Variants in KLHL30 observed in about 807,000 individuals in gnomAD.
The protein encoded by KLHL30 is kelch-like protein 30.
A neutral mutation model predicts 55.0 loss-of-function variants in KLHL30; 55 were observed. The observed-to-expected ratio is 1.00, with a 90% CI of 0.80 to 1.25. The LOEUF (loss-of-function observed/expected upper bound fraction) is 1.25. KLHL30 is among the 50% of genes most tolerant of loss of function. The pLI is 0.00. For missense variants in KLHL30, 786 were observed against 811.6 expected, an observed-to-expected ratio of 0.97 and a Z score of 0.38; for synonymous variants, 356 against 372.6, an observed-to-expected ratio of 0.96 and a Z score of 0.51.
chr2:238,142,726 G>A (rs1323364691), intron 2 of KLHL30, 73 bp from the exon 3 acceptor site: 5 of 1,324,392 alleles, frequency 3.8e-6, no homozygotes, highest in Admixed American at 8.3e-5. Context: ...GCTGAGGCCT[G>A]CCCAGGACAC....
chr2:238,145,556 G>A, intron 4 of KLHL30, 121 bp from the exon 5 acceptor site: 2 of 1,175,184 alleles, frequency 1.7e-6, no homozygotes, highest in Non-Finnish European at 2.4e-6. Context: ...CCCACCTCTG[G>A]CTCACCACGT....
At chr2:238,143,706 C>T (rs928070986) in intron 3 of KLHL30, among the ~76,000 whole-genome samples, 8 of 152,196 alleles carry the variant, frequency 5.3e-5, no homozygotes, top group Admixed American at 1.3e-4. Context: ...GCCAGCTGTT[C>T]GGGTCAGGGG....
At chr2:238,144,122 C>T (rs1692588336) in intron 3 of KLHL30, among the ~76,000 whole-genome samples, 1 of 152,222 alleles carries the variant, frequency 6.6e-6, no homozygotes. Context: ...GACTTGGGCA[C>T]ATTGCTCTGC....
At position 238,151,306 on chromosome 2, in the gene KLHL30, C is replaced by T. The variant is rs1227065504; in HGVS notation, c.*241C>T. The stretch of plus-strand genomic sequence containing the variant: ...GCCTGAGTGCCAGACGCTGGCATAA[C>T]AGGGACAGGAAGCTCTGCTGCCCCT... On this transcript the variant is annotated 3_prime_UTR_variant, in exon 8 of 8. Coordinates refer to ENST00000409223, the MANE Select transcript of KLHL30 (RefSeq NM_198582.4). 3.3e-6 allele frequency: 2 copies of T among 597,596 alleles called. No homozygotes were observed. The highest frequency in any genetic ancestry group is 2.9e-6 in the Non-Finnish European group (1 of 345,690). 37.0% of individuals were successfully genotyped at this position (597,596 alleles called of 1,614,324 possible).
At position 238,152,226 on chromosome 2, in the gene KLHL30, C is replaced by T; in HGVS notation, c.*1161C>T. ...CCTCTCCAGGACCAGCCCCTGGGTT[C>T]CTCCTTAACACCCCCCGCCCCTGGG... is the stretch of plus-strand genomic sequence containing the variant. On this transcript the variant is annotated 3_prime_UTR_variant, in exon 8 of 8. Coordinates refer to ENST00000409223, the MANE Select transcript of KLHL30 (RefSeq NM_198582.4). The T allele has an allele frequency of 1.0e-6, 1 of 985,552 alleles. No individual in the cohort carries two copies. The highest frequency in any genetic ancestry group is 1.2e-6 in the Non-Finnish European group (1 of 830,030). 61.1% of individuals were successfully genotyped at this position (985,552 alleles called of 1,614,324 possible).
In KLHL30 at chr2:238,145,129, T is replaced by C. The variant is rs1692624457; in HGVS notation, c.994+141T>C. 8.2e-6 allele frequency: 6 copies of C among 727,278 alleles called. 1 individual carries two copies. The Admixed American group carries it at 1.1e-4, about 13-fold the overall frequency. The allele number at this position is 727,278 out of a possible 1,614,324, so 45.1% of individuals were successfully genotyped here. A position where few individuals can be genotyped will look rare whatever the true frequency, so the allele number is the denominator to read the frequency against. ...TCCATGCATGTGAAAACAAGGACAT[T>C]TAAAATCCGTGGTCACTCGTGGGAG... is the stretch of plus-strand genomic sequence containing the variant. On this transcript the variant is annotated intron_variant, in intron 4 of 7. Transcript: ENST00000409223.
At chr2:238,140,555 T>G (rs1692512377) in intron 1 of KLHL30, 130 bp from the exon 2 acceptor site, 1 of 556,804 alleles carries the variant, frequency 1.8e-6, no homozygotes, top group East Asian at 3.1e-5. Flanking sequence ...GGGGGTAAAG[T>G]GACTGGCATA....
At position 238,147,098 on chromosome 2, in the gene KLHL30, A is replaced by T. The variant is rs1351871014; in HGVS notation, c.1151-736A>T. ...AGAGGTTGAGGCTGCAATGAGCTGT[A>T]ATCGCACCACTGCACTTCAGCCTGG... On this transcript the variant is annotated intron_variant, in intron 5 of 7. Transcript: ENST00000409223. This position sits in a 1 kb window ranked among gnomAD's most constrained non-coding sequence, Gnocchi z 5.8. 6.6e-6 allele frequency among the ~76,000 whole-genome samples: 1 copy of T among 151,204 alleles called. No individual in the cohort carries two copies. The highest frequency in any genetic ancestry group is 1.5e-5 in the Non-Finnish European group (1 of 67,796).
rs1300718694 is a variant in KLHL30 at position 238,141,036 on chromosome 2, C to T, written c.282C>T (p.Gly94=). Residue 94 remains glycine, a synonymous_variant, in exon 2 of 8, where the codon GGC becomes GGT. Coordinates refer to ENST00000409223, the MANE Select transcript of KLHL30 (RefSeq NM_198582.4). ...AACTGGTGGACTTCGTGTACACAGG[C>T]CGGCTGACCATCACGCAGGGCAACG... ...VGQLVDFVYT[G]RLTITQGNVE... is the part of the protein sequence containing the mutation. 6.2e-7 allele frequency: 1 copy of T among 1,612,240 alleles called. No homozygotes were observed. Among genetic ancestry groups the T allele is most frequent in the Non-Finnish European group, 8.5e-7 (1 of 1,179,518 alleles).
At chr2:238,148,396 G>A (rs577583477) in intron 6 of KLHL30, among the ~76,000 whole-genome samples, 9 of 152,302 alleles carry the variant, frequency 5.9e-5, no homozygotes, top group African/African-American at 2.2e-4. Flanking sequence ...GCCGGGAGTG[G>A]TGACCCCGAC....
Position 238,144,926 on chromosome 2 carries a change from TC to T in KLHL30, c.936del (p.Asp313ThrfsTer12). 6.2e-7 allele frequency: 1 copy of T among 1,611,432 alleles called. No homozygotes were observed. On this transcript the variant is annotated frameshift_variant, in exon 4 of 8. Transcript: ENST00000409223. LOFTEE classifies it high-confidence loss of function. ...KAKRWMALPD[F>X]PDYHKWGFSL... Reference sequence around the variant, plus strand: ...GAGAGGTGGATGGCACTTCCAGACTTCCCCGACTATCACAAGTGGGGTTTCT... The same window carrying T: ...GAGAGGTGGATGGCACTTCCAGACTTCCCGACTATCACAAGTGGGGTTTCT...
chr2:238,141,345 C>A lies in KLHL30; in HGVS notation c.591C>A (p.Leu197=), dbSNP rs568359786. 3.9e-5 allele frequency: 62 copies of A among 1,596,488 alleles called. No homozygotes were observed. In the South Asian group the frequency reaches 6.3e-4, roughly 16 times the overall value. The change falls in exon 2 of 8, where the codon CTC becomes CTA. Residue 197 remains leucine, a synonymous_variant. Transcript: ENST00000409223. ...LLQVQPEQSR[L]EALMRWVRHD... The stretch of plus-strand genomic sequence containing the variant: ...AGGTACAGCCGGAGCAAAGCCGACT[C>A]GAGGCCCTGATGCGCTGGGTGCGCC...
intron 2 of KLHL30, 72 bp from the exon 3 acceptor site, chr2:238,142,727 C>T (rs958560325): frequency 7.5e-6 from 10 of 1,324,768 alleles, no homozygotes; most frequent in Admixed American, 4.2e-5. Context: ...CTGAGGCCTG[C>T]CCAGGACACG....
At chr2:238,142,716 G>C in intron 2 of KLHL30, 83 bp from the exon 3 acceptor site, 3 of 1,284,854 alleles carry the variant, frequency 2.3e-6, no homozygotes, top group Non-Finnish European at 3.0e-6. Flanking sequence ...GCACTCACAT[G>C]CTGAGGCCTG....
At position 238,152,149 on chromosome 2, in the gene KLHL30, G is replaced by C. The variant is rs1022759759; in HGVS notation, c.*1084G>C. 5.1e-6 allele frequency: 5 copies of C among 985,370 alleles called. No individual in the cohort carries two copies. Among genetic ancestry groups the C allele is most frequent in the Non-Finnish European group, 4.8e-6 (4 of 829,998 alleles). The allele number at this position is 985,370 out of a possible 1,614,324, so 61.0% of individuals were successfully genotyped here. ...CGGGCCCGGCCAGGCACAGGCCCTGGTGTTGCCCCAGAGGCCCTGGGCAGC... is the reference window on the plus strand; with the variant it reads ...CGGGCCCGGCCAGGCACAGGCCCTGCTGTTGCCCCAGAGGCCCTGGGCAGC... On this transcript the variant is annotated 3_prime_UTR_variant, in exon 8 of 8. Transcript: ENST00000409223.
intron 3 of KLHL30, among the ~76,000 whole-genome samples, chr2:238,144,388 AAGGAAGGAAG>A (rs1692595913): frequency 1.4e-5 from 1 of 70,272 alleles, no homozygotes; most frequent in African/African-American, 5.5e-5. Flanking sequence ...GGAAGGAAGG[AAGGAAGGAAG>A]GAAGGAAGGA....
intron 6 of KLHL30, 58 bp downstream of exon 6, chr2:238,148,080 G>A (rs902060477): frequency 8.3e-6 from 11 of 1,321,788 alleles, no homozygotes; most frequent in Middle Eastern, 5.4e-4. Flanking sequence ...ACAGGCGACA[G>A]TCCGCTCGTA....
chr2:238,143,010 G>A, intron 3 of KLHL30, 79 bp downstream of exon 3: 21 of 1,420,328 alleles, frequency 1.5e-5, no homozygotes, highest in Non-Finnish European at 1.9e-5. Flanking sequence ...CTTGCAGGTG[G>A]AGCGCATGAG....
intron 3 of KLHL30, among the ~76,000 whole-genome samples, chr2:238,144,036 T>G (rs904328282): frequency 6.6e-6 from 1 of 152,214 alleles, no homozygotes; most frequent in Non-Finnish European, 1.5e-5. Flanking sequence ...ATTTCCACAT[T>G]TATTGTCTTG....
Sources: allele counts gnomAD v4.1 joint callset (sites outside exome capture counted in the v4.1 genomes callset), GRCh38; gene constraint gnomAD v4.1.1; non-coding constraint Gnocchi (gnomAD v3.1); transcripts MANE v1.5; gene names NCBI Gene and HGNC (gene_info 2026-07-23, HGNC 2026-07-21).